The following XPO7 variants were observed in gnomAD, a reference collection of about 807,000 sequenced individuals.
The protein encoded by XPO7 is exportin-7.
XPO7 carries 21 observed loss-of-function variants against 144.3 expected under a neutral mutation model. The observed-to-expected ratio is 0.15, with a 90% CI of 0.10 to 0.21. XPO7 has a LOEUF of 0.21. XPO7 is among the 10% of genes least tolerant of loss of function. The probability of loss-of-function intolerance (pLI) is 1.00; values close to 1 mark genes in which losing one functional copy is unlikely to be tolerated. For missense variants in XPO7, 808 were observed against 1,325.8 expected, an observed-to-expected ratio of 0.61 and a Z score of 6.06; for synonymous variants, 580 against 499.6, an observed-to-expected ratio of 1.16 and a Z score of -2.15.
intron 1 of XPO7, among the ~76,000 whole-genome samples, chr8:21,957,148 C>T (rs781346601): frequency 6.6e-6 from 1 of 151,904 alleles, no homozygotes; most frequent in Non-Finnish European, 1.5e-5. Context: ...TATGTCTGCA[C>T]ACTGAAATTT....
intron 12 of XPO7, 106 bp from the exon 13 acceptor site, chr8:21,985,480 C>CT (rs2117368591): frequency 9.3e-7 from 1 of 1,071,636 alleles, no homozygotes; most frequent in East Asian, 2.4e-5. Flanking sequence ...AAAAGTAAGA[C>CT]TTCATGGTTT....
chr8:21,924,446 C>T (rs1382980667), intron 1 of XPO7, among the ~76,000 whole-genome samples: 1 of 150,574 alleles, frequency 6.6e-6, no homozygotes, highest in Non-Finnish European at 1.5e-5. Context: ...TGTAGCCCCC[C>T]TCCCCCCCCC....
intron 1 of XPO7, among the ~76,000 whole-genome samples, chr8:21,959,189 T>C (rs1811639474): frequency 6.6e-6 from 1 of 152,206 alleles, no homozygotes; most frequent in South Asian, 2.1e-4. Context: ...TGATCCCTGA[T>C]GCCCCTGGCC....
rs754611298 is a variant in XPO7, at chr8:21,987,190, A to G, written c.1627A>G (p.Asn543Asp). 1.2e-5 allele frequency: 19 copies of G among 1,614,016 alleles called. No individual in the cohort carries two copies. The highest frequency in any genetic ancestry group is 1.7e-5 in the Admixed American group (1 of 60,032). Residue 543 changes from asparagine to aspartate, a missense_variant, in exon 14 of 28, where the codon AAT (asparagine) becomes GAT (aspartate). This residue lies in a region of XPO7 where 416 missense variants were observed against 612.5 expected (regional missense o/e 0.68). Coordinates refer to ENST00000252512, the MANE Select transcript of XPO7 (RefSeq NM_015024.5). ...AGATTCTCGTTTGGCCCAGGCGGGT[A>G]ATGAGAAGCTAGAGTTGGCCATGCT... ...LTDSRLAQAG[N>D]EKLELAMLSF...
rs145915470 is a variant in XPO7, at chr8:21,934,006, T to A, written c.18+14218T>A. The stretch of plus-strand genomic sequence containing the variant: ...ATGAAAGAAAATGTACAAGTAAACA[T>A]GCTTAAGGTTTAAACGAGAAAATGT... On this transcript the variant is annotated intron_variant, in intron 1 of 27. Coordinates refer to ENST00000252512, the MANE Select transcript of XPO7 (RefSeq NM_015024.5). 5.7e-3 allele frequency among the ~76,000 whole-genome samples: 875 copies of A among 152,304 alleles called. 14 individuals are homozygous for A. The highest frequency in any genetic ancestry group is 0.019 in the African/African-American group (795 of 41,562).
At chr8:21,952,143 T>G (rs1340684674) in intron 1 of XPO7, among the ~76,000 whole-genome samples, 1 of 152,216 alleles carries the variant, frequency 6.6e-6, no homozygotes, top group Non-Finnish European at 1.5e-5. Context: ...ATAACTATAG[T>G]CATTTCCTGC....
chr8:21,922,416 G>A (rs1290891232), intron 1 of XPO7, among the ~76,000 whole-genome samples: 5 of 152,144 alleles, frequency 3.3e-5, no homozygotes, highest in African/African-American at 9.7e-5. Context: ...GATGTGATGG[G>A]TTTCTTACTC....
chr8:22,002,965 C>T, intron 25 of XPO7: 1 of 298,906 alleles, frequency 3.3e-6, no homozygotes, highest in Non-Finnish European at 6.3e-6. Flanking sequence ...CCCCACAACT[C>T]AGGGTGACCT....
intron 5 of XPO7, 73 bp downstream of exon 5, chr8:21,972,014 T>C (rs369955376): frequency 6.9e-7 from 1 of 1,442,056 alleles, no homozygotes; most frequent in Non-Finnish European, 9.7e-7. Flanking sequence ...CTGCTGTGTG[T>C]GGGATGATCT....
intron 1 of XPO7, among the ~76,000 whole-genome samples, chr8:21,940,171 A>G (rs1364304883): frequency 6.6e-6 from 1 of 152,248 alleles, no homozygotes; most frequent in Non-Finnish European, 1.5e-5. Flanking sequence ...TTTTAAAAGT[A>G]ATGGTAAAAA....
At chr8:21,920,161 C>T (rs1810225648) in intron 1 of XPO7, among the ~76,000 whole-genome samples, 1 of 141,172 alleles carries the variant, frequency 7.1e-6, no homozygotes, top group Admixed American at 6.9e-5. Context: ...CCCTTGCTGA[C>T]TTTACTGAGG....
chr8:22,002,027 C>T lies in XPO7; in HGVS notation c.2783-85C>T. ...CCTTGGTTGAATTGGCCACGGTACC[C>T]TAATGGATCTCACCCAAAGATAGTC... On this transcript the variant is annotated intron_variant, in intron 24 of 27. Coordinates refer to ENST00000252512, the MANE Select transcript of XPO7 (RefSeq NM_015024.5). The T allele has an allele frequency of 2.7e-6, 4 of 1,482,874 alleles. 1 individual carries two copies. In the South Asian group the frequency reaches 5.3e-5, roughly 20 times the overall value. 91.9% of individuals were successfully genotyped at this position (1,482,874 alleles called of 1,614,324 possible).
chr8:21,951,555 A>G (rs1414223886), intron 1 of XPO7, among the ~76,000 whole-genome samples: 2 of 152,190 alleles, frequency 1.3e-5, no homozygotes, highest in South Asian at 2.1e-4. Flanking sequence ...AGTCACATAA[A>G]TAGTCTAGGG....
intron 5 of XPO7, among the ~76,000 whole-genome samples, chr8:21,972,389 A>C (rs1812093755): frequency 1.3e-5 from 2 of 152,098 alleles, no homozygotes; most frequent in African/African-American, 4.8e-5. Flanking sequence ...AGGCAGGAGA[A>C]TCGCTTGAAC....
intron 1 of XPO7, among the ~76,000 whole-genome samples, chr8:21,925,652 T>C (rs1255280408): frequency 6.6e-6 from 1 of 152,156 alleles, no homozygotes; most frequent in Non-Finnish European, 1.5e-5. Context: ...AAGCCTTTTA[T>C]AGTGTTATGC....
chr8:21,948,489 C>G (rs1811264421), intron 1 of XPO7, among the ~76,000 whole-genome samples: 1 of 152,120 alleles, frequency 6.6e-6, no homozygotes, highest in Non-Finnish European at 1.5e-5. Context: ...GTTCACACAA[C>G]AATGAAATTG....
In XPO7 at chr8:21,961,517, C is replaced by G. The variant is rs1014894026; in HGVS notation, c.19-5340C>G. On this transcript the variant is annotated intron_variant, in intron 1 of 27. Transcript: ENST00000252512. The stretch of plus-strand genomic sequence containing the variant: ...AGGTGTGAGCCACTGTGCACAGCCT[C>G]CATATGTGTACCTTTATACTCCCAG... 5.3e-5 allele frequency among the ~76,000 whole-genome samples: 8 copies of G among 152,196 alleles called. No homozygotes were observed. The East Asian group carries it at 1.4e-3, about 26-fold the overall frequency.
At chr8:21,921,736 T>TTTA (rs1810295392) in intron 1 of XPO7, 1 of 152,222 alleles carries the variant, frequency 6.6e-6, no homozygotes, top group Non-Finnish European at 1.5e-5. Context: ...TGATCAGTGT[T>TTTA]TTATTGGTAC....
In XPO7 at chr8:21,984,855, G is replaced by T; in HGVS notation, c.1471+16G>T. On this transcript the variant is annotated intron_variant, in intron 12 of 27. Transcript: ENST00000252512. ...GTGCAGGAGGGTGAGTGTGCAGCGT[G>T]CTGGGAACTCTAGACCTGTGAGGAG... The T allele has an allele frequency of 1.2e-6, 2 of 1,612,456 alleles. No individual in the cohort carries two copies. The highest frequency in any genetic ancestry group is 1.7e-6 in the Non-Finnish European group (2 of 1,179,502).
Sources: allele counts gnomAD v4.1 joint callset (sites outside exome capture counted in the v4.1 genomes callset), GRCh38; gene constraint gnomAD v4.1.1; regional missense constraint gnomAD v4.1.1; transcripts MANE v1.5; gene names NCBI Gene and HGNC (gene_info 2026-07-23, HGNC 2026-07-21).